The following BMAL1 variants were observed in gnomAD, a reference collection of about 807,000 sequenced individuals.
BMAL1 encodes basic helix-loop-helix ARNT-like protein 1.
the BMAL1 span, among the ~76,000 whole-genome samples, chr11:13,278,388 C>T: frequency 6.6e-6 from 1 of 152,344 alleles, no homozygotes; most frequent in East Asian, 1.9e-4. Context: ...TCGGGGATCC[C>T]CGAGGGGACC....
chr11:13,324,306 C>T, the BMAL1 span, among the ~76,000 whole-genome samples: 1 of 152,212 alleles, frequency 6.6e-6, no homozygotes, highest in Non-Finnish European at 1.5e-5. Flanking sequence ...CCTTGGCCTG[C>T]CAGCCCCTCC....
the BMAL1 span, chr11:13,378,310 T>C: frequency 1.3e-6 from 2 of 1,572,664 alleles, no homozygotes; most frequent in Non-Finnish European, 1.7e-6. Flanking sequence ...TTTTCCCCTT[T>C]CCTACTCTCA....
chr11:13,350,274 C>T, the BMAL1 span, among the ~76,000 whole-genome samples: 5 of 152,280 alleles, frequency 3.3e-5, no homozygotes, highest in South Asian at 6.2e-4. Context: ...CCCAAGGGGG[C>T]CAGGGCTCCA....
chr11:13,382,513 C>G, the BMAL1 span, among the ~76,000 whole-genome samples: 2 of 152,102 alleles, frequency 1.3e-5, no homozygotes, highest in Non-Finnish European at 2.9e-5. Flanking sequence ...CCCCCGCCCC[C>G]CTGCCCACAA....
the BMAL1 span, among the ~76,000 whole-genome samples, chr11:13,279,520 A>G: frequency 1.3e-5 from 2 of 152,248 alleles, no homozygotes; most frequent in South Asian, 2.1e-4. Flanking sequence ...TGAGCTTAAA[A>G]TAATCATTGC....
At chr11:13,300,936 A>AGTT in the BMAL1 span, among the ~76,000 whole-genome samples, 2 of 151,968 alleles carry the variant, frequency 1.3e-5, no homozygotes, top group Admixed American at 1.3e-4. Flanking sequence ...GATTTGTTGT[A>AGTT]GTTGTTGTTG....
At chr11:13,329,418 T>C in the BMAL1 span, among the ~76,000 whole-genome samples, 3 of 152,216 alleles carry the variant, frequency 2.0e-5, no homozygotes, top group African/African-American at 7.2e-5. Flanking sequence ...GCAGGAGCCA[T>C]GTCACAGGAC....
the BMAL1 span, among the ~76,000 whole-genome samples, chr11:13,360,974 G>A: frequency 6.6e-6 from 1 of 152,128 alleles, no homozygotes; most frequent in Admixed American, 6.5e-5. Flanking sequence ...AAATTAGCTG[G>A]GTGTGGTGGC....
At chr11:13,311,629 G>A in the BMAL1 span, among the ~76,000 whole-genome samples, 2 of 152,238 alleles carry the variant, frequency 1.3e-5, no homozygotes, top group African/African-American at 2.4e-5. Flanking sequence ...ATACTTGCTT[G>A]TCAGAATAAC....
the BMAL1 span, among the ~76,000 whole-genome samples, chr11:13,288,176 G>T: frequency 6.6e-6 from 1 of 152,170 alleles, no homozygotes; most frequent in East Asian, 1.9e-4. Context: ...AAAATGGAAG[G>T]TTCTTAAATA....
chr11:13,310,021 A>C, the BMAL1 span: 2,174 of 152,776 alleles, frequency 0.014, 24 homozygotes, highest in Non-Finnish European at 0.024. Context: ...TTTGGACCCA[A>C]GCTTAACTTT....
At chr11:13,277,833 G>C in the BMAL1 span, 2 of 152,472 alleles carry the variant, frequency 1.3e-5, no homozygotes, top group South Asian at 2.1e-4. Context: ...GTCAGGGACG[G>C]AGGTGCCTGT....
At chr11:13,383,468 T>C in the BMAL1 span, among the ~76,000 whole-genome samples, 16,385 of 152,292 alleles carry the variant, frequency 0.11, 978 homozygotes, top group Middle Eastern at 0.14. Context: ...ATCAGACAAG[T>C]GGCACCAAAC....
chr11:13,382,073 C>G, the BMAL1 span, among the ~76,000 whole-genome samples: 1 of 152,010 alleles, frequency 6.6e-6, no homozygotes, highest in African/African-American at 2.4e-5. Flanking sequence ...CTGAGCTCCT[C>G]GGAGGTTTGT....
At chr11:13,381,185 C>T in the BMAL1 span, 3 of 1,614,046 alleles carry the variant, frequency 1.9e-6, no homozygotes, top group Non-Finnish European at 1.7e-6. Context: ...CGCCTTCTAG[C>T]TGTGGCTCCA....
chr11:13,380,968 A>G, the BMAL1 span: 37 of 554,736 alleles, frequency 6.7e-5, no homozygotes, highest in Admixed American at 1.1e-3. Flanking sequence ...GCTGCTTTCA[A>G]GCTGCAGAGG....
At chr11:13,322,498 G>A in the BMAL1 span, among the ~76,000 whole-genome samples, 235 of 152,200 alleles carry the variant, frequency 1.5e-3, 7 homozygotes, top group South Asian at 0.046. Context: ...GAATCAGTTT[G>A]CATTTATATA....
At chr11:13,359,793 T>C in the BMAL1 span, among the ~76,000 whole-genome samples, 1 of 152,184 alleles carries the variant, frequency 6.6e-6, no homozygotes, top group East Asian at 1.9e-4. Flanking sequence ...GTCCTGGGAG[T>C]GCGAGCTGCA....
At chr11:13,297,626 G>T in the BMAL1 span, among the ~76,000 whole-genome samples, 1 of 152,188 alleles carries the variant, frequency 6.6e-6, no homozygotes, top group African/African-American at 2.4e-5. Flanking sequence ...CCCCAGGGGA[G>T]GCTCTGGGCA....
Sources: gnomAD v4.1 joint callset for allele counts (sites outside exome capture counted in the v4.1 genomes callset) on GRCh38, gnomAD v4.1.1 for gene constraint, MANE v1.5 for transcripts, NCBI Gene and HGNC (gene_info 2026-07-23, HGNC 2026-07-21) for gene names.